Variants in ZMYND11 observed in about 807,000 individuals in gnomAD.
ZMYND11 encodes the protein zinc finger MYND domain-containing protein 11.
A neutral mutation model predicts 84.9 loss-of-function variants in ZMYND11; 9 were observed. The observed-to-expected ratio is 0.11, with a 90% CI of 0.06 to 0.18. The LOEUF (loss-of-function observed/expected upper bound fraction) is 0.18. ZMYND11 is among the 10% of genes least tolerant of loss of function. ZMYND11 has a pLI of 1.00. For missense variants in ZMYND11, 409 were observed against 761.0 expected (o/e 0.54, Z 5.44); for synonymous variants, 250 against 244.1 (o/e 1.02, Z -0.23).
At chr10:135,134 G>T (rs1340313377), upstream of ZMYND11, 1 of 150,202 alleles carries the variant, frequency 6.7e-6, no homozygotes, top group African/African-American at 2.4e-5. This position sits in a 1 kb window ranked among gnomAD's most constrained non-coding sequence, Gnocchi z 5.6. Flanking sequence ...CAACTTTCCC[G>T]GGCGGCGGCG....
At chr10:237,052 A>G (rs1268536962) in intron 5 of ZMYND11, 137 bp downstream of exon 5, 3 of 771,002 alleles carry the variant, frequency 3.9e-6, no homozygotes, top group East Asian at 2.9e-5. Flanking sequence ...CCGTCATGTC[A>G]TATTTCTTTT....
intron 2 of ZMYND11, 39 bp downstream of exon 2, chr10:180,167 G>C: frequency 6.4e-7 from 1 of 1,552,430 alleles, no homozygotes; most frequent in African/African-American, 1.4e-5. Context: ...GTAAAATGTC[G>C]TAGAAGACTT....
intron 4 of ZMYND11, among the ~76,000 whole-genome samples, chr10:227,412 T>C (rs550392616): frequency 6.6e-6 from 1 of 152,238 alleles, no homozygotes; most frequent in Non-Finnish European, 1.5e-5. Context: ...TCATGTACTT[T>C]TTAAAAACTC....
chr10:152,895 A>G lies in ZMYND11; in HGVS notation c.-20+17336A>G, dbSNP rs542878005. Among the ~76,000 whole-genome samples the G allele has an allele frequency of 5.3e-5, 8 of 152,380 alleles. No homozygotes were observed. The East Asian group carries it at 1.5e-3, about 29-fold the overall frequency. On this transcript the variant is annotated intron_variant, in intron 1 of 14. Transcript: ENST00000381604. ...CCACAGTGCAATCAAACTAGAACTC[A>G]GGATTAAGAACTCACTCAAAACCGC... is the stretch of plus-strand genomic sequence containing the variant.
chr10:236,736 T>A lies in ZMYND11; in HGVS notation c.439-102T>A, dbSNP rs895615720. On this transcript the variant is annotated intron_variant, in intron 4 of 14. Coordinates refer to ENST00000381604, the MANE Select transcript of ZMYND11 (RefSeq NM_001370100.5). ...TGGAAAAAGAGCACTTTTAGTAAAC[T>A]CTTTGCATACTATCTAAGTGTTTCA... The A allele has an allele frequency of 8.1e-6, 8 of 982,820 alleles. No individual in the cohort carries two copies. In the African/African-American group the frequency reaches 1.3e-4, roughly 17 times the overall value. The allele number at this position is 982,820 out of a possible 1,614,324, so 60.9% of individuals were successfully genotyped here. A position where few individuals can be genotyped will look rare whatever the true frequency, so the allele number is the denominator to read the frequency against.
At chr10:147,852 G>C (rs1176691933) in intron 1 of ZMYND11, 1 of 152,072 alleles carries the variant, frequency 6.6e-6, no homozygotes, top group Non-Finnish European at 1.5e-5. Context: ...CATCCAGTTT[G>C]AATGTCTGGG....
At chr10:210,328 C>G (rs1944973462) in intron 3 of ZMYND11, among the ~76,000 whole-genome samples, 1 of 152,168 alleles carries the variant, frequency 6.6e-6, no homozygotes, top group Non-Finnish European at 1.5e-5. Context: ...CATGGCATTC[C>G]TAAGTGTTTT....
chr10:167,713 G>A (rs2131587685), intron 1 of ZMYND11, among the ~76,000 whole-genome samples: 1 of 152,088 alleles, frequency 6.6e-6, no homozygotes, highest in East Asian at 1.9e-4. Context: ...GGGGGCTCTT[G>A]GGGCAGTATT....
chr10:154,043 T>C (rs1349952764), intron 1 of ZMYND11, among the ~76,000 whole-genome samples: 1 of 151,216 alleles, frequency 6.6e-6, no homozygotes, highest in Non-Finnish European at 1.5e-5. Flanking sequence ...CTTCACAACA[T>C]TGCTGTTCAC....
intron 14 of ZMYND11, among the ~76,000 whole-genome samples, chr10:250,812 A>G (rs1953291529): frequency 6.6e-6 from 1 of 152,146 alleles, no homozygotes; most frequent in South Asian, 2.1e-4. Flanking sequence ...CGAGGTGGGC[A>G]GATCACTTGA....
At chr10:162,302 C>A (rs1843099234) in intron 1 of ZMYND11, among the ~76,000 whole-genome samples, 1 of 152,132 alleles carries the variant, frequency 6.6e-6, no homozygotes, top group Non-Finnish European at 1.5e-5. Context: ...GATCACAGAT[C>A]ACCATAACTC....
chr10:190,671 G>A (rs2448369), intron 2 of ZMYND11, among the ~76,000 whole-genome samples: 141,328 of 152,228 alleles, frequency 0.93, 65,965 homozygotes, highest in South Asian at 0.98. Flanking sequence ...AGACCCTGAC[G>A]TTTCTTCTTT....
intron 4 of ZMYND11, among the ~76,000 whole-genome samples, chr10:228,547 G>A (rs1049151927): frequency 2.6e-5 from 4 of 152,200 alleles, no homozygotes; most frequent in Non-Finnish European, 5.9e-5. Context: ...GCGATGAGAG[G>A]GAGTGGGAAG....
chr10:230,786 T>A (rs1345992959), intron 4 of ZMYND11, among the ~76,000 whole-genome samples: 1 of 152,214 alleles, frequency 6.6e-6, no homozygotes, highest in Non-Finnish European at 1.5e-5. Flanking sequence ...ATTCTTGAGT[T>A]TAGCTGCATG....
At chr10:228,684 T>C (rs140797934) in intron 4 of ZMYND11, among the ~76,000 whole-genome samples, 149 of 152,374 alleles carry the variant, frequency 9.8e-4, no homozygotes, top group African/African-American at 3.3e-3. Context: ...TTTATTCCGC[T>C]GAAGAACGCA....
At chr10:228,204 A>G (rs1394701724) in intron 4 of ZMYND11, among the ~76,000 whole-genome samples, 1 of 152,214 alleles carries the variant, frequency 6.6e-6, no homozygotes, top group Non-Finnish European at 1.5e-5. Flanking sequence ...GAAGAAGAAA[A>G]AAAGCTCATA....
intron 4 of ZMYND11, among the ~76,000 whole-genome samples, chr10:234,082 A>C (rs1010703744): frequency 6.6e-6 from 1 of 152,238 alleles, no homozygotes; most frequent in Non-Finnish European, 1.5e-5. Flanking sequence ...TCTAGTTAAG[A>C]TGTTTTAGCA....
chr10:186,176 AT>A (rs550685680), intron 2 of ZMYND11, among the ~76,000 whole-genome samples: 1 of 151,028 alleles, frequency 6.6e-6, no homozygotes, highest in South Asian at 2.1e-4. Context: ...TGCCTGGCTA[AT>A]TTTTTTTGTA....
chr10:158,412 C>CTTTTTTTTTTTTTTT (rs372896551), intron 1 of ZMYND11, among the ~76,000 whole-genome samples: 1 of 142,482 alleles, frequency 7.0e-6, no homozygotes, highest in Non-Finnish European at 1.5e-5. Flanking sequence ...TTGTCTTTTC[C>CTTTTTTTTTTTTTTT]TTTTTTTTTT....
Sources: gnomAD v4.1 joint callset for allele counts (sites outside exome capture counted in the v4.1 genomes callset) on GRCh38, gnomAD v4.1.1 for gene constraint, Gnocchi (gnomAD v3.1) non-coding constraint, MANE v1.5 for transcripts, NCBI Gene and HGNC (gene_info 2026-07-23, HGNC 2026-07-21) for gene names.